Variants in RNF212B observed in about 807,000 individuals in gnomAD.
RNF212B encodes the protein E3 ubiquitin-protein ligase RNF212B.
RNF212B carries 52 observed loss-of-function variants against 55.5 expected under a neutral mutation model. That is an observed-to-expected ratio of 0.94 (90% CI 0.75 to 1.18). The LOEUF (loss-of-function observed/expected upper bound fraction) is 1.18, where lower values mean the gene tolerates loss of function less well. Among genes scored for constraint, RNF212B ranks in the 50% most tolerant of loss-of-function variants. RNF212B has a pLI of 0.00. For synonymous variants in RNF212B, 99 were observed against 121.4 expected (o/e 0.82, Z 1.21); for missense variants, 289 against 350.4 (o/e 0.82, Z 1.40).
intron 8 of RNF212B, 94 bp from the exon 9 acceptor site, chr14:23,262,834 T>C: frequency 2.7e-6 from 4 of 1,454,992 alleles, no homozygotes; most frequent in Non-Finnish European, 3.8e-6. Flanking sequence ...ATGAAAACAT[T>C]ATATAACCAG....
chr14:23,202,634 G>A (rs1394602937), intron 2 of RNF212B, among the ~76,000 whole-genome samples: 4 of 152,152 alleles, frequency 2.6e-5, no homozygotes, highest in South Asian at 2.1e-4. Flanking sequence ...GGTGGATCAC[G>A]AGGTCAGGAG....
intron 12 of RNF212B, among the ~76,000 whole-genome samples, chr14:23,269,510 T>G (rs989457291): frequency 6.6e-6 from 1 of 152,054 alleles, no homozygotes; most frequent in Non-Finnish European, 1.5e-5. Flanking sequence ...GGTGGGAGGA[T>G]TGCTTAAGCC....
intron 2 of RNF212B, among the ~76,000 whole-genome samples, chr14:23,212,027 C>T (rs553709735): frequency 1.3e-5 from 2 of 151,970 alleles, no homozygotes; most frequent in Non-Finnish European, 2.9e-5. Flanking sequence ...CGTGCCTGAC[C>T]AAAAAAGAAA....
intron 2 of RNF212B, among the ~76,000 whole-genome samples, chr14:23,229,262 A>ATATATG (rs1882343233): frequency 5.2e-5 from 6 of 116,146 alleles, no homozygotes; most frequent in South Asian, 2.7e-4. Flanking sequence ...ATATATATAT[A>ATATATG]CCACATTGTT....
chr14:23,251,272 TTC>T (rs1884383596), intron 4 of RNF212B, among the ~76,000 whole-genome samples: 1 of 142,658 alleles, frequency 7.0e-6, no homozygotes, highest in African/African-American at 2.7e-5. Context: ...TTCAATTCAA[TTC>T]TAACACTAAT....
intron 2 of RNF212B, among the ~76,000 whole-genome samples, chr14:23,197,013 C>A (rs1878785744): frequency 6.6e-6 from 1 of 152,164 alleles, no homozygotes; most frequent in Non-Finnish European, 1.5e-5. Context: ...TTTTTGCTCA[C>A]TAATGTCTTC....
At chr14:23,219,765 C>G (rs1881399498) in intron 2 of RNF212B, among the ~76,000 whole-genome samples, 1 of 152,112 alleles carries the variant, frequency 6.6e-6, no homozygotes, top group Non-Finnish European at 1.5e-5. Context: ...AGCCACCACT[C>G]CCAGCCTTTA....
intron 4 of RNF212B, among the ~76,000 whole-genome samples, chr14:23,253,631 T>C (rs72684373): frequency 0.17 from 25,703 of 152,172 alleles, 2,505 homozygotes; most frequent in South Asian, 0.25. Flanking sequence ...TAGCCATTGA[T>C]GAACTTTGCA....
intron 14 of RNF212B, among the ~76,000 whole-genome samples, chr14:23,271,084 T>C (rs189608388): frequency 6.6e-6 from 1 of 152,314 alleles, no homozygotes; most frequent in Admixed American, 6.5e-5. Flanking sequence ...ACTATGATTC[T>C]GATTCCAGCA....
At chr14:23,212,155 G>A (rs1880584389) in intron 2 of RNF212B, among the ~76,000 whole-genome samples, 1 of 152,224 alleles carries the variant, frequency 6.6e-6, no homozygotes, top group South Asian at 2.1e-4. Flanking sequence ...GCACTTAGGA[G>A]AAAATTGTAG....
At chr14:23,193,617 C>A (rs1878335559) in intron 2 of RNF212B, among the ~76,000 whole-genome samples, 2 of 152,170 alleles carry the variant, frequency 1.3e-5, no homozygotes, top group Admixed American at 1.3e-4. Context: ...CTAAGAAGAA[C>A]TAGCGATAGT....
intron 2 of RNF212B, among the ~76,000 whole-genome samples, chr14:23,209,695 AG>A (rs1162337540): frequency 6.6e-5 from 10 of 152,212 alleles, no homozygotes; most frequent in African/African-American, 1.9e-4. Context: ...TCTCTTTCAA[AG>A]AATAGATGGA....
intron 1 of RNF212B, among the ~76,000 whole-genome samples, chr14:23,189,174 C>A (rs1454558838): frequency 6.6e-6 from 1 of 152,192 alleles, no homozygotes; most frequent in Non-Finnish European, 1.5e-5. Context: ...ACCAATACCA[C>A]ACCCCAAATC....
At chr14:23,226,296 CAA>C (rs71119005) in intron 2 of RNF212B, among the ~76,000 whole-genome samples, 8,350 of 75,812 alleles carry the variant, frequency 0.11, 963 homozygotes, top group African/African-American at 0.33. Context: ...GAAACCGTCT[CAA>C]AAAAAAAAAA....
chr14:23,240,034 CAA>C (rs5807213), intron 1 of RNF212B, among the ~76,000 whole-genome samples: 3 of 138,342 alleles, frequency 2.2e-5, no homozygotes, highest in Admixed American at 7.2e-5. Context: ...CCTCACCACT[CAA>C]AAAAAAAAAA....
intron 2 of RNF212B, among the ~76,000 whole-genome samples, chr14:23,213,977 G>GTATGGGTGTAC (rs1191555434): frequency 3.0e-4 from 46 of 152,254 alleles, no homozygotes; most frequent in African/African-American, 1.1e-3. Flanking sequence ...CATAAAAAGT[G>GTATGGGTGTAC]CTTCAATGAA....
At chr14:23,208,757 G>GTTTTTTTTTTTTTTTTTTTTTTTTTTTT (rs1166613606) in intron 2 of RNF212B, among the ~76,000 whole-genome samples, 1 of 98,116 alleles carries the variant, frequency 1.0e-5, no homozygotes, top group African/African-American at 4.6e-5. Flanking sequence ...GCTGGTTGCC[G>GTTTTTTTTTTTTTTTTTTTTTTTTTTTT]TTTTTTTTTT....
chr14:23,189,802 T>C (rs572002792), intron 1 of RNF212B, among the ~76,000 whole-genome samples: 25 of 152,094 alleles, frequency 1.6e-4, no homozygotes, highest in Non-Finnish European at 2.9e-4. Context: ...AGTGAGTTCT[T>C]ATCTGAAAAT....
In RNF212B at chr14:23,262,663, A is replaced by C. The variant is rs1885382241; in HGVS notation, c.435-2A>C. The stretch of plus-strand genomic sequence containing the variant: ...AGCCGCCTCTTTTTTTTTCCCTTGC[A>C]GGTCAATCACACCTCGACCAGTGGG... On this transcript the variant is annotated splice_acceptor_variant, in intron 7 of 14. Coordinates refer to ENST00000430154, the MANE Select transcript of RNF212B (RefSeq NM_001282322.3). LOFTEE classifies it high-confidence loss of function. 1 of 1,548,664 alleles carries C rather than the reference A, an allele frequency of 6.5e-7. No homozygotes were observed. Among genetic ancestry groups the C allele is most frequent in the Non-Finnish European group, 8.7e-7 (1 of 1,146,364 alleles).
Sources: gnomAD v4.1 joint callset for allele counts (sites outside exome capture counted in the v4.1 genomes callset) on GRCh38, gnomAD v4.1.1 for gene constraint, MANE v1.5 for transcripts, NCBI Gene and HGNC (gene_info 2026-07-23, HGNC 2026-07-21) for gene names.